CAMSAP3: variants seen among roughly 807,000 people sequenced by gnomAD.
CAMSAP3 encodes the protein calmodulin-regulated spectrin-associated protein 3.
CAMSAP3 carries 34 observed loss-of-function variants against 112.5 expected under a neutral mutation model. That is an observed-to-expected ratio of 0.30 (90% CI 0.23 to 0.40). The LOEUF is 0.40. Ranked by LOEUF, CAMSAP3 falls within the 10% of genes least tolerant of loss-of-function variation. CAMSAP3 has a pLI of 1.00. For synonymous variants in CAMSAP3, 868 were observed against 799.8 expected, an observed-to-expected ratio of 1.09 and a Z score of -1.44; for missense variants, 1,602 against 1,770.3, an observed-to-expected ratio of 0.90 and a Z score of 1.71.
chr19:7,613,848 G>T (rs1200342383), intron 11 of CAMSAP3, among the ~76,000 whole-genome samples: 1 of 152,042 alleles, frequency 6.6e-6, no homozygotes, highest in Non-Finnish European at 1.5e-5. Flanking sequence ...GGCTTTCCCA[G>T]CCGGGGACAC....
In CAMSAP3 at chr19:7,617,411, T is replaced by C. The variant is rs1273989098; in HGVS notation, c.3298T>C (p.Ser1100Pro). Reference sequence around the variant, plus strand: ...CTGGGAAAATGGCAGCAATGCCTCCTCCCCAGCGTCAGTGCCCGAGTACAC... The same window carrying C: ...CTGGGAAAATGGCAGCAATGCCTCCCCCCCAGCGTCAGTGCCCGAGTACAC... ...RDWENGSNAS[S>P]PASVPEYTGP... Residue 1100 changes from serine (S) to proline (P), a missense_variant, in exon 15 of 17, where the codon TCC becomes CCC. Transcript: ENST00000160298. This position sits in a 1 kb window ranked among gnomAD's most constrained non-coding sequence, Gnocchi z 7.5. The C allele has an allele frequency of 1.2e-6, 2 of 1,613,994 alleles. No individual in the cohort carries two copies. The highest frequency in any genetic ancestry group is 4.5e-5 in the East Asian group (2 of 44,868).
At chr19:7,616,317 AG>A in intron 13 of CAMSAP3, 1 of 530,748 alleles carries the variant, frequency 1.9e-6, no homozygotes, top group Non-Finnish European at 3.4e-6. Flanking sequence ...CGTTGCCAGT[AG>A]GGGCTGACCC....
rs2030915473 is a variant in CAMSAP3 at position 7,618,138 on chromosome 19, G to A, written c.*81G>A. ...GAGGACAGTCAGTCGGTATTCCTGG[G>A]TCCTGTCTGTCCCCAACCGTGTCTG... On this transcript the variant is annotated 3_prime_UTR_variant, in exon 17 of 17. Coordinates refer to ENST00000160298, the MANE Select transcript of CAMSAP3 (RefSeq NM_020902.2). 1.4e-6 allele frequency: 2 copies of A among 1,458,638 alleles called. No homozygotes were observed. Among genetic ancestry groups the A allele is most frequent in the African/African-American group, 1.4e-5 (1 of 71,790 alleles). The allele number at this position is 1,458,638 out of a possible 1,614,324, so 90.4% of individuals were successfully genotyped here.
At position 7,617,723 on chromosome 19, in the gene CAMSAP3, A is replaced by G. The variant is rs2030885784; in HGVS notation, c.3445-29A>G. On this transcript the variant is annotated intron_variant, in intron 16 of 16. Coordinates refer to ENST00000160298, the MANE Select transcript of CAMSAP3 (RefSeq NM_020902.2). The surrounding 1 kb of genome is among the most constrained non-coding windows in gnomAD (Gnocchi z 7.5). ...GGTGGGTGGGTGGCCTGACTTGGCC[A>G]GCTGACCATTTCCAGCACTCCTGCC... 4 of 1,612,020 alleles carry G rather than the reference A, an allele frequency of 2.5e-6. No homozygotes were observed. Among genetic ancestry groups the G allele is most frequent in the South Asian group, 1.1e-5 (1 of 91,022 alleles).
rs1471223767 is a variant in CAMSAP3, at chr19:7,613,089, G to T, written c.2596G>T (p.Gly866Cys). The T allele has an allele frequency of 2.6e-6, 4 of 1,547,244 alleles. No individual in the cohort carries two copies. The East Asian group carries it at 7.3e-5, about 28-fold the overall frequency. ...GGACGAGGGAGACGGGAGCCCCGCT[G>T]GTGCTGAGGATTCCTTGGAGGAGGA... ...AEDEGDGSPA[G>C]AEDSLEEEAS... Residue 866 changes from glycine to cysteine, a missense_variant, in exon 11 of 17, where the codon GGT (glycine) becomes TGT (cysteine). Physicochemically the swap from Gly to Cys is radical, Grantham distance 159. Transcript: ENST00000160298.
In CAMSAP3 at chr19:7,617,989, A is replaced by G. The variant is rs1322593265; in HGVS notation, c.3682A>G (p.Ile1228Val). ...GTCCATGAGCGTCGATGCCTTCACC[A>G]TCCAGGGACACCTCTGGCAGGGCAA... The part of the protein sequence containing the change: ...TMSMSVDAFT[I>V]QGHLWQGKKP... The change falls in exon 17 of 17, where the codon ATC becomes GTC. Residue 1228 changes from isoleucine (I) to valine (V), a missense_variant. By Grantham distance (29) the Ile-to-Val change is conservative. This residue lies in a region of CAMSAP3 where 150 missense variants were observed against 207.6 expected (regional missense o/e 0.72). Transcript: ENST00000160298. This position sits in a 1 kb window ranked among gnomAD's most constrained non-coding sequence, Gnocchi z 7.5. The G allele has an allele frequency of 6.2e-7, 1 of 1,613,994 alleles. No homozygotes were observed. The highest frequency in any genetic ancestry group is 1.3e-5 in the African/African-American group (1 of 74,912).
In CAMSAP3 at chr19:7,616,639, C is replaced by T. The variant is rs763203554; in HGVS notation, c.3212+17C>T. ...CACGTCTCGGTGAGTTTAGCCCGCACAGGCGGGGTTCGTATGCCGGGTGGC... is the reference window on the plus strand; with the variant it reads ...CACGTCTCGGTGAGTTTAGCCCGCATAGGCGGGGTTCGTATGCCGGGTGGC... On this transcript the variant is annotated intron_variant, in intron 14 of 16. Transcript: ENST00000160298. 2.0e-5 allele frequency: 32 copies of T among 1,583,492 alleles called. No homozygotes were observed. The highest frequency in any genetic ancestry group is 2.8e-5 in the Non-Finnish European group (32 of 1,161,918).
At position 7,617,844 on chromosome 19, in the gene CAMSAP3, A is replaced by G. The variant is rs750339710; in HGVS notation, c.3537A>G (p.Thr1179=). The G allele has an allele frequency of 1.9e-6, 3 of 1,613,954 alleles. No individual in the cohort carries two copies. Among genetic ancestry groups the G allele is most frequent in the Non-Finnish European group, 1.7e-6 (2 of 1,180,032 alleles). ...CGCTCTACACGCTGTCGGGGGAGAC[A>G]GAGGAGCTGTCGCGGCTGGCAGGGT... ...FRALYTLSGE[T]EELSRLAGYG... Residue 1179 remains threonine (T), a synonymous_variant, in exon 17 of 17, where the codon ACA becomes ACG. Transcript: ENST00000160298. The surrounding 1 kb of genome is among the most constrained non-coding windows in gnomAD (Gnocchi z 7.5).
intron 11 of CAMSAP3, among the ~76,000 whole-genome samples, chr19:7,614,336 GTT>G (rs750674208): frequency 1.9e-5 from 2 of 104,320 alleles, no homozygotes; most frequent in Non-Finnish European, 3.6e-5. Context: ...TTTTTTTTTT[GTT>G]TTGTTTTCTT....
chr19:7,601,433 C>T (rs2029961960), intron 1 of CAMSAP3, among the ~76,000 whole-genome samples: 1 of 152,260 alleles, frequency 6.6e-6, no homozygotes, highest in East Asian at 1.9e-4. Context: ...ATTCTCGTGC[C>T]TCAGCCTCCT....
chr19:7,614,982 G>A (rs1249827844), intron 11 of CAMSAP3: 32 of 640,856 alleles, frequency 5.0e-5, no homozygotes, highest in African/African-American at 7.3e-5. Flanking sequence ...GTGTGTGAGC[G>A]GCACCCAGTG....
intron 1 of CAMSAP3, among the ~76,000 whole-genome samples, chr19:7,599,216 T>C (rs2029862804): frequency 6.8e-6 from 1 of 147,418 alleles, no homozygotes; most frequent in African/African-American, 2.5e-5. Context: ...TACCCACTCA[T>C]CCATCCATCC....
rs768363659 is a variant in CAMSAP3 at position 7,611,681 on chromosome 19, G to A, written c.1194-6G>A. ...CAGGGGCTGACCCCTCCCTCCGGCC[G>A]CCCAGCCGTCCCCTCTCCCAGGCTG... On this transcript the variant is annotated splice_polypyrimidine_tract_variant and splice_region_variant and intron_variant, in intron 10 of 16. Coordinates refer to ENST00000160298, the MANE Select transcript of CAMSAP3 (RefSeq NM_020902.2). This position sits in a 1 kb window ranked among gnomAD's most constrained non-coding sequence, Gnocchi z 6.9. The A allele has an allele frequency of 1.4e-5, 22 of 1,562,258 alleles. No homozygotes were observed. Among genetic ancestry groups the A allele is most frequent in the African/African-American group, 6.8e-5 (5 of 73,814 alleles).
chr19:7,612,076 A>C lies in CAMSAP3; in HGVS notation c.1583A>C (p.Lys528Thr). ...VYMPHPETPS[K>T]PSPCLVGEAS... ...ATGCCACACCCCGAGACCCCCTCGA[A>C]ACCATCTCCCTGTCTGGTGGGGGAG... The change falls in exon 11 of 17, where the codon AAA becomes ACA. Residue 528 changes from lysine (K) to threonine (T), a missense_variant. Transcript: ENST00000160298. 2 of 1,609,228 alleles carry C rather than the reference A, an allele frequency of 1.2e-6. No individual in the cohort carries two copies. The highest frequency in any genetic ancestry group is 1.7e-6 in the Non-Finnish European group (2 of 1,176,864).
chr19:7,606,676 G>GA (rs1195503782), intron 4 of CAMSAP3, 105 bp downstream of exon 4: 2 of 1,561,214 alleles, frequency 1.3e-6, no homozygotes, highest in Non-Finnish European at 1.8e-6. Context: ...GGCTAGAGGT[G>GA]ACACACTCTC....
rs758329519 is a variant in CAMSAP3 at position 7,605,305 on chromosome 19, G to T, written c.228G>T (p.Arg76=). The T allele has an allele frequency of 6.2e-7, 1 of 1,611,148 alleles. No individual in the cohort carries two copies. The highest frequency in any genetic ancestry group is 1.7e-5 in the Admixed American group (1 of 59,672). The change falls in exon 2 of 17, where the codon CGG becomes CGT. Residue 76 remains arginine (R), a synonymous_variant. Transcript: ENST00000160298. The part of the protein sequence containing the change: ...AQEHVKPPVT[R]LLLSAELYCR... The stretch of plus-strand genomic sequence containing the variant: ...AGCATGTGAAGCCCCCGGTGACACG[G>T]CTGCTGCTCTCAGCCGAGCTCTACT...
Position 7,612,554 on chromosome 19 carries a change from C to T in CAMSAP3, c.2061C>T (p.Asp687=), listed in dbSNP as rs141087775. 9.8e-6 allele frequency: 15 copies of T among 1,535,764 alleles called. No individual in the cohort carries two copies. The highest frequency in any genetic ancestry group is 1.2e-5 in the South Asian group (1 of 84,024). ...CCAAGGCAGTGACCTTCTCGCCAGA[C>T]CTGGGCCCGGTGCCCCACGAGGGGC... ...SRPKAVTFSP[D]LGPVPHEGLG... is the part of the protein sequence containing the mutation. The change falls in exon 11 of 17, where the codon GAC becomes GAT. Residue 687 remains aspartate, a synonymous_variant. Coordinates refer to ENST00000160298, the MANE Select transcript of CAMSAP3 (RefSeq NM_020902.2).
chr19:7,613,068 G>A lies in CAMSAP3; in HGVS notation c.2575G>A (p.Glu859Lys), dbSNP rs2030595305. The A allele has an allele frequency of 2.6e-6, 4 of 1,547,960 alleles. No individual in the cohort carries two copies. Among genetic ancestry groups the A allele is most frequent in the Non-Finnish European group, 2.6e-6 (3 of 1,146,850 alleles). Reference sequence around the variant, plus strand: ...CCTGGCAGATCCCGCCGCCGAGGACGAGGGAGACGGGAGCCCCGCTGGTGC... The same window carrying A: ...CCTGGCAGATCCCGCCGCCGAGGACAAGGGAGACGGGAGCCCCGCTGGTGC... ...GSLADPAAED[E>K]GDGSPAGAED... Residue 859 changes from glutamate to lysine, a missense_variant, in exon 11 of 17, where the codon GAG becomes AAG. By Grantham distance (56) the Glu-to-Lys change is moderately conservative (BLOSUM62 1). Around this residue, in one of 6 missense-constraint regions of CAMSAP3, gnomAD observed 1,100 missense variants for 1,135.7 expected, o/e 0.97. Coordinates refer to ENST00000160298, the MANE Select transcript of CAMSAP3 (RefSeq NM_020902.2).
At position 7,595,878 on chromosome 19, in the gene CAMSAP3, G is replaced by A; in HGVS notation, c.-125G>A. 2.1e-5 allele frequency: 2 copies of A among 97,458 alleles called. No individual in the cohort carries two copies. The highest frequency in any genetic ancestry group is 4.2e-5 in the Non-Finnish European group (2 of 47,960). 6.0% of individuals were successfully genotyped at this position (97,458 alleles called of 1,614,324 possible). A position where few individuals can be genotyped will look rare whatever the true frequency, so the allele number is the denominator to read the frequency against. On this transcript the variant is annotated 5_prime_UTR_variant, in exon 1 of 17. Transcript: ENST00000160298. ...GCAAGCGGCCGCACCTGGCTCAGCA[G>A]CGGCGGCGGCGGCGGCGGCGGCAGC... is the stretch of plus-strand genomic sequence containing the variant.
Sources: allele counts gnomAD v4.1 joint callset (sites outside exome capture counted in the v4.1 genomes callset), GRCh38; gene constraint gnomAD v4.1.1; regional missense constraint gnomAD v4.1.1; non-coding constraint Gnocchi (gnomAD v3.1); transcripts MANE v1.5; gene names NCBI Gene and HGNC (gene_info 2026-07-23, HGNC 2026-07-21).